The following FTCDNL1 variants were observed in gnomAD, a reference collection of about 807,000 sequenced individuals.
The protein encoded by FTCDNL1 is formiminotransferase N-terminal subdomain-containing protein.
FTCDNL1 carries 11 observed loss-of-function variants against 5.9 expected under a neutral mutation model. The ratio of observed to expected loss-of-function variants is 1.87; its 90% CI spans 1.18 to 3.10. The LOEUF (loss-of-function observed/expected upper bound fraction) is 3.10. FTCDNL1 is among the 30% of genes most tolerant of loss of function. The probability of loss-of-function intolerance (pLI) is 0.00; values close to 1 mark genes in which losing one functional copy is unlikely to be tolerated. For synonymous variants in FTCDNL1, 58 were observed against 24.8 expected (o/e 2.34, Z -3.99); for missense variants, 115 against 65.5 (o/e 1.76, Z -2.61).
Position 199,810,802 on chromosome 2 carries a change from T to G in FTCDNL1, c.*1903A>C, listed in dbSNP as rs1700992053. Among the ~76,000 whole-genome samples, 1 of 152,230 alleles carries G rather than the reference T, an allele frequency of 6.6e-6. No homozygotes were observed. The highest frequency in any genetic ancestry group is 1.5e-5 in the Non-Finnish European group (1 of 68,036). ...TAAAGGACTGACCTCATCTTCAGCA[T>G]GTGATCATTCCTTAGCTACTATTTC... On this transcript the variant is annotated 3_prime_UTR_variant, in exon 5 of 5. Coordinates refer to ENST00000420128, the MANE Select transcript of FTCDNL1 (RefSeq NM_001363886.2).
At position 199,851,009 on chromosome 2, in the gene FTCDNL1, C is replaced by G. The variant is rs1175116731; in HGVS notation, c.-277G>C. 1 of 151,684 alleles carries G rather than the reference C, an allele frequency of 6.6e-6. No individual in the cohort carries two copies. Among genetic ancestry groups the G allele is most frequent in the Admixed American group, 6.6e-5 (1 of 15,238 alleles). The allele number at this position is 151,684 out of a possible 1,614,324, so 9.4% of individuals were successfully genotyped here. A position where few individuals can be genotyped will look rare whatever the true frequency, so the allele number is the denominator to read the frequency against. Reference sequence around the variant, plus strand: ...GAGGGGCAGCCGGCGGCTGCGCTGCCCCGGCCGAGCTCTCGAACCAGCGGC... The same window carrying G: ...GAGGGGCAGCCGGCGGCTGCGCTGCGCCGGCCGAGCTCTCGAACCAGCGGC... On this transcript the variant is annotated 5_prime_UTR_variant, in exon 1 of 5. Transcript: ENST00000420128.
intron 3 of FTCDNL1, among the ~76,000 whole-genome samples, chr2:199,801,227 G>C (rs1700428830): frequency 6.6e-6 from 1 of 152,156 alleles, no homozygotes; most frequent in Admixed American, 6.5e-5. Context: ...GACTTCACTA[G>C]ACACGGATGT....
At chr2:199,675,594 C>T in the FTCDNL1 span, among the ~76,000 whole-genome samples, 1 of 151,998 alleles carries the variant, frequency 6.6e-6, no homozygotes. Flanking sequence ...CTCAGCAGTC[C>T]GGAGCTGGTA....
the FTCDNL1 span, among the ~76,000 whole-genome samples, chr2:199,669,021 G>A: frequency 1.3e-5 from 2 of 151,998 alleles, no homozygotes; most frequent in Non-Finnish European, 2.9e-5. Flanking sequence ...AGTCTAGTAC[G>A]TAATAATTCT....
downstream of FTCDNL1, among the ~76,000 whole-genome samples, chr2:199,758,854 T>C (rs1385917957): frequency 1.3e-5 from 2 of 152,172 alleles, no homozygotes; most frequent in African/African-American, 2.4e-5. Context: ...TGAGAAGCAC[T>C]GTGTCAAAAC....
intron 4 of FTCDNL1, among the ~76,000 whole-genome samples, chr2:199,817,211 A>T (rs899379700): frequency 2.5e-4 from 38 of 152,226 alleles, no homozygotes; most frequent in Non-Finnish European, 4.3e-4. Context: ...CTTAGGATTT[A>T]TCTCTAGATC....
At position 199,774,578 on chromosome 2, in the gene FTCDNL1, C is replaced by T. The variant is rs1287982703; in HGVS notation, c.212-13743G>A. On this transcript the variant is annotated intron_variant, in intron 3 of 3. Coordinates refer to the FTCDNL1 transcript ENST00000416668. ...TGGGCATGCTAGCCTTGAACATTTACCAGCTCAGAGAGTTCCAGGCAAAAC... is the reference window on the plus strand; with the variant it reads ...TGGGCATGCTAGCCTTGAACATTTATCAGCTCAGAGAGTTCCAGGCAAAAC... 2.6e-5 allele frequency among the ~76,000 whole-genome samples: 4 copies of T among 152,106 alleles called. No individual in the cohort carries two copies. In the East Asian group the frequency reaches 7.7e-4, roughly 29 times the overall value.
chr2:199,805,952 C>T (rs916764588), downstream of FTCDNL1, among the ~76,000 whole-genome samples: 1 of 151,498 alleles, frequency 6.6e-6, no homozygotes, highest in Non-Finnish European at 1.5e-5. Flanking sequence ...AGGATGAATG[C>T]GGAGCTGAGA....
At chr2:199,759,000 C>T (rs1251456507), downstream of FTCDNL1, among the ~76,000 whole-genome samples, 1 of 151,764 alleles carries the variant, frequency 6.6e-6, no homozygotes, top group African/African-American at 2.4e-5. Context: ...CACTGAAGAA[C>T]AAAATGTACA....
At chr2:199,775,685 T>C (rs1449900013) in intron 3 of FTCDNL1, among the ~76,000 whole-genome samples, 1 of 152,092 alleles carries the variant, frequency 6.6e-6, no homozygotes, top group Non-Finnish European at 1.5e-5. Flanking sequence ...TCCCCCTCTT[T>C]CCACAACCTA....
chr2:199,717,008 G>A, the FTCDNL1 span, among the ~76,000 whole-genome samples: 1 of 152,064 alleles, frequency 6.6e-6, no homozygotes, highest in African/African-American at 2.4e-5. Flanking sequence ...GTGTCAGAGT[G>A]ACTAATGTCT....
chr2:199,834,470 C>T (rs1702580596), intron 3 of FTCDNL1, among the ~76,000 whole-genome samples: 1 of 152,184 alleles, frequency 6.6e-6, no homozygotes, highest in African/African-American at 2.4e-5. Flanking sequence ...CTGCCTCCCT[C>T]TTCCTTCTTA....
At chr2:199,783,625 T>A (rs1466082557) in intron 3 of FTCDNL1, among the ~76,000 whole-genome samples, 1 of 152,168 alleles carries the variant, frequency 6.6e-6, no homozygotes, top group African/African-American at 2.4e-5. Flanking sequence ...ATGTTCCACC[T>A]TCATCACACC....
the FTCDNL1 span, among the ~76,000 whole-genome samples, chr2:199,729,752 C>T: frequency 6.6e-6 from 1 of 151,984 alleles, no homozygotes; most frequent in African/African-American, 2.4e-5. Context: ...TAGGAAGAAT[C>T]AAGAGTGAAA....
At chr2:199,842,605 CT>C (rs2076620897) in intron 3 of FTCDNL1, among the ~76,000 whole-genome samples, 1 of 152,216 alleles carries the variant, frequency 6.6e-6, no homozygotes, top group Non-Finnish European at 1.5e-5. Flanking sequence ...TTTGGACCCA[CT>C]TTAAGAACCT....
intron 3 of FTCDNL1, among the ~76,000 whole-genome samples, chr2:199,799,163 C>T (rs895775705): frequency 4.6e-5 from 7 of 152,098 alleles, no homozygotes; most frequent in Admixed American, 2.0e-4. Context: ...CAAAGGATGC[C>T]ATTCATCATA....
At chr2:199,772,360 G>C (rs1698855347) in intron 3 of FTCDNL1, among the ~76,000 whole-genome samples, 1 of 152,192 alleles carries the variant, frequency 6.6e-6, no homozygotes, top group South Asian at 2.1e-4. Context: ...CTGCAGATAA[G>C]GGAGACAACT....
intron 3 of FTCDNL1, among the ~76,000 whole-genome samples, chr2:199,842,103 A>C (rs1360194379): frequency 6.7e-6 from 1 of 148,918 alleles, no homozygotes; most frequent in Non-Finnish European, 1.5e-5. Context: ...TACTAAAAAT[A>C]CAAAAAAAAA....
chr2:199,790,703 A>G (rs919833976), intron 3 of FTCDNL1, among the ~76,000 whole-genome samples: 4 of 152,186 alleles, frequency 2.6e-5, no homozygotes, highest in African/African-American at 9.7e-5. Flanking sequence ...GTCAACCAGC[A>G]AATTCACTAA....
Sources: allele counts gnomAD v4.1 joint callset (sites outside exome capture counted in the v4.1 genomes callset), GRCh38; gene constraint gnomAD v4.1.1; transcripts MANE v1.5; gene names NCBI Gene and HGNC (gene_info 2026-07-23, HGNC 2026-07-21).